CREB5: variants seen among roughly 807,000 people sequenced by gnomAD.
The protein encoded by CREB5 is cAMP responsive element binding protein 5.
CREB5 carries 19 observed loss-of-function variants against 57.1 expected under a neutral mutation model. That is an observed-to-expected ratio of 0.33 (90% CI 0.23 to 0.49). The LOEUF (loss-of-function observed/expected upper bound fraction) is 0.49. Among genes scored for constraint, CREB5 ranks in the 20% least tolerant of loss-of-function variants. The probability of loss-of-function intolerance (pLI) is 0.99; values close to 1 mark genes in which losing one functional copy is unlikely to be tolerated. For missense variants in CREB5, 579 were observed against 671.6 expected (o/e 0.86, Z 1.52); for synonymous variants, 238 against 238.3 (o/e 1.00, Z 0.01).
intron 5 of CREB5, among the ~76,000 whole-genome samples, chr7:28,619,855 C>G (rs558888768): frequency 6.6e-6 from 1 of 152,168 alleles, no homozygotes; most frequent in African/African-American, 2.4e-5. Context: ...GGTCATGTGC[C>G]AAAGGTGAGA....
chr7:28,565,414 TAGGAGTG>T (rs1179998953), intron 4 of CREB5, among the ~76,000 whole-genome samples: 2 of 152,114 alleles, frequency 1.3e-5, no homozygotes, highest in African/African-American at 2.4e-5. Flanking sequence ...ATCACCCCAT[TAGGAGTG>T]AGGGTGACCA....
intron 1 of CREB5, among the ~76,000 whole-genome samples, chr7:28,358,495 G>A (rs17150584): frequency 0.066 from 10,096 of 152,286 alleles, 378 homozygotes; most frequent in East Asian, 0.15. Context: ...TAGCAGATGG[G>A]ACAGGCCGGG....
chr7:28,365,796 T>C (rs1786574757), intron 1 of CREB5, among the ~76,000 whole-genome samples: 1 of 151,990 alleles, frequency 6.6e-6, no homozygotes, highest in African/African-American at 2.4e-5. Context: ...TTTAAAATAT[T>C]TTTTTTTCTT....
intron 1 of CREB5, among the ~76,000 whole-genome samples, chr7:28,359,224 T>TTAA (rs1786410613): frequency 1.5e-5 from 2 of 136,698 alleles, no homozygotes; most frequent in South Asian, 2.4e-4. Flanking sequence ...ACAAAACAAA[T>TTAA]AAAAAAAAAA....
At chr7:28,801,438 A>C (rs1808363080) in intron 7 of CREB5, among the ~76,000 whole-genome samples, 1 of 152,178 alleles carries the variant, frequency 6.6e-6, no homozygotes, top group African/African-American at 2.4e-5. Flanking sequence ...TTAAATTCGG[A>C]AGTATCATCC....
intron 5 of CREB5, among the ~76,000 whole-genome samples, chr7:28,692,030 C>A (rs1364646386): frequency 1.9e-3 from 229 of 119,276 alleles, no homozygotes; most frequent in African/African-American, 6.0e-3. Flanking sequence ...AAAAAAAAAA[C>A]AACAAATTAG....
intron 1 of CREB5, among the ~76,000 whole-genome samples, chr7:28,361,718 A>G (rs2191827): frequency 0.45 from 68,989 of 151,922 alleles, 15,732 homozygotes; most frequent in East Asian, 0.54. Flanking sequence ...ACAGCATTCA[A>G]TACATTTCCA....
intron 1 of CREB5, among the ~76,000 whole-genome samples, chr7:28,401,014 A>G (rs1389400192): frequency 6.6e-6 from 1 of 152,230 alleles, no homozygotes; most frequent in Non-Finnish European, 1.5e-5. Context: ...TAAGGAAATG[A>G]CTAAAATTTT....
intron 1 of CREB5, among the ~76,000 whole-genome samples, chr7:28,465,502 C>T (rs1790526307): frequency 6.6e-6 from 1 of 152,162 alleles, no homozygotes; most frequent in Non-Finnish European, 1.5e-5. Context: ...CAGAGACCAT[C>T]CCACAGTACT....
chr7:28,560,693 T>G (rs2128639390), intron 4 of CREB5, among the ~76,000 whole-genome samples: 1 of 151,856 alleles, frequency 6.6e-6, no homozygotes, highest in East Asian at 1.9e-4. Context: ...GATCATGTGT[T>G]TAGTGGTGGA....
At chr7:28,383,475 C>G (rs899517369) in intron 1 of CREB5, among the ~76,000 whole-genome samples, 2 of 152,190 alleles carry the variant, frequency 1.3e-5, no homozygotes, top group African/African-American at 4.8e-5. Context: ...CCAGCATCTA[C>G]TCAGCATCTA....
At chr7:28,380,298 C>G (rs904282381) in intron 1 of CREB5, among the ~76,000 whole-genome samples, 1 of 152,162 alleles carries the variant, frequency 6.6e-6, no homozygotes, top group African/African-American at 2.4e-5. Context: ...AGGAATGCTT[C>G]CATCTAGTGT....
chr7:28,642,813 G>A (rs1439054865), intron 5 of CREB5, among the ~76,000 whole-genome samples: 1 of 152,080 alleles, frequency 6.6e-6, no homozygotes, highest in East Asian at 1.9e-4. Flanking sequence ...GAGTACAGAT[G>A]GGAGCAGATG....
chr7:28,708,895 A>G (rs1028235074), intron 5 of CREB5, among the ~76,000 whole-genome samples: 6 of 152,198 alleles, frequency 3.9e-5, no homozygotes, highest in African/African-American at 1.2e-4. Context: ...TGAATTATTC[A>G]TTTATGGTGA....
chr7:28,576,560 C>T (rs1795918070), intron 5 of CREB5, among the ~76,000 whole-genome samples: 2 of 152,210 alleles, frequency 1.3e-5, no homozygotes, highest in Non-Finnish European at 2.9e-5. Flanking sequence ...TTAGCTAATG[C>T]TCAGTCTATC....
intron 1 of CREB5, among the ~76,000 whole-genome samples, chr7:28,387,566 A>G (rs926826061): frequency 2.0e-5 from 3 of 152,158 alleles, no homozygotes; most frequent in Non-Finnish European, 4.4e-5. Context: ...TGCTGTGCAG[A>G]AGCTCTTTAG....
At chr7:28,338,793 T>G (rs1159712539) in intron 1 of CREB5, among the ~76,000 whole-genome samples, 1 of 152,084 alleles carries the variant, frequency 6.6e-6, no homozygotes, top group Non-Finnish European at 1.5e-5. Flanking sequence ...CTGGTAGACA[T>G]GCTTCATTCT....
chr7:28,701,572 G>A (rs1408462422), intron 5 of CREB5, among the ~76,000 whole-genome samples: 8 of 151,950 alleles, frequency 5.3e-5, no homozygotes, highest in South Asian at 2.1e-4. Flanking sequence ...CTACATACTC[G>A]TCTACAAATC....
intron 4 of CREB5, among the ~76,000 whole-genome samples, chr7:28,557,483 G>GT (rs111706648): frequency 0.035 from 5,316 of 151,972 alleles, 345 homozygotes; most frequent in African/African-American, 0.12. Context: ...CTGTGTGTGT[G>GT]TTTTTTTTAA....
Sources: allele counts gnomAD v4.1 joint callset (sites outside exome capture counted in the v4.1 genomes callset), GRCh38; gene constraint gnomAD v4.1.1; transcripts MANE v1.5; gene names NCBI Gene and HGNC (gene_info 2026-07-23, HGNC 2026-07-21).